The following LSAMP variants were observed in gnomAD, a reference collection of about 807,000 sequenced individuals.
LSAMP encodes limbic system associated membrane protein.
A neutral mutation model predicts 38.6 loss-of-function variants in LSAMP; 7 were observed. That is an observed-to-expected ratio of 0.18 (90% confidence interval 0.10 to 0.34). The LOEUF (loss-of-function observed/expected upper bound fraction) is 0.34. Among genes scored for constraint, LSAMP ranks in the 10% least tolerant of loss-of-function variants. The pLI is 1.00. For missense variants in LSAMP, 313 were observed against 420.0 expected, an observed-to-expected ratio of 0.75 and a Z score of 2.23; for synonymous variants, 154 against 166.8, an observed-to-expected ratio of 0.92 and a Z score of 0.59.
intron 1 of LSAMP, among the ~76,000 whole-genome samples, chr3:116,422,843 T>C (rs2049146086): frequency 6.6e-6 from 1 of 152,218 alleles, no homozygotes; most frequent in Admixed American, 6.5e-5. Context: ...AGAAATGTCT[T>C]ACCTGGATAC....
intron 3 of LSAMP, among the ~76,000 whole-genome samples, chr3:116,009,797 C>G (rs559189376): frequency 1.1e-3 from 162 of 152,190 alleles, no homozygotes; most frequent in African/African-American, 3.7e-3. Context: ...CACCCTCACC[C>G]CCACTATAGC....
chr3:115,886,369 G>C (rs1318261727), intron 3 of LSAMP, among the ~76,000 whole-genome samples: 1 of 151,922 alleles, frequency 6.6e-6, no homozygotes, highest in African/African-American at 2.4e-5. Context: ...ACTGTTAATA[G>C]TTTACCAATT....
chr3:115,948,275 A>G (rs1444875573), intron 3 of LSAMP, among the ~76,000 whole-genome samples: 1 of 152,150 alleles, frequency 6.6e-6, no homozygotes, highest in Non-Finnish European at 1.5e-5. Context: ...TTCTCTATTT[A>G]TTTAAGAAGT....
chr3:115,860,054 T>TTACAAGG lies in LSAMP; in HGVS notation c.515-7438_515-7437insCCTTGTA, dbSNP rs1320788883. On this transcript the variant is annotated intron_variant, in intron 3 of 6. Coordinates refer to ENST00000490035, the MANE Select transcript of LSAMP (RefSeq NM_002338.5). ...CCACTGTAAAAACCACATTTGGTTT[T>TTACAAGG]GATCATCACTGTATCCCTTCCCTAG... 2.6e-5 allele frequency among the ~76,000 whole-genome samples: 4 copies of TTACAAGG among 152,254 alleles called. No individual in the cohort carries two copies. In the East Asian group the frequency reaches 7.7e-4, roughly 29 times the overall value.
rs538453605 is a variant in LSAMP, at chr3:116,443,403, G to C, written c.155+1474C>G. 2.6e-5 allele frequency among the ~76,000 whole-genome samples: 4 copies of C among 152,202 alleles called. 1 individual carries two copies. The South Asian group carries it at 6.2e-4, about 24-fold the overall frequency. On this transcript the variant is annotated intron_variant, in intron 1 of 6. Transcript: ENST00000490035. ...AATCACCCAAAGCTCAGGAAATGAA[G>C]AAAGGAGTGCTTACACATTAGCATT...
At chr3:116,151,487 C>T (rs1478659665) in intron 1 of LSAMP, among the ~76,000 whole-genome samples, 2 of 152,002 alleles carry the variant, frequency 1.3e-5, no homozygotes, top group Non-Finnish European at 1.5e-5. Flanking sequence ...TAATGTACTA[C>T]TCTAAACAGG....
At chr3:115,856,251 T>G (rs1027342055) in intron 3 of LSAMP, among the ~76,000 whole-genome samples, 21 of 152,124 alleles carry the variant, frequency 1.4e-4, no homozygotes, top group Non-Finnish European at 1.5e-5. Flanking sequence ...ATGACGGTAT[T>G]TGGAAGTGGG....
At chr3:116,104,070 C>A (rs532869522) in intron 1 of LSAMP, among the ~76,000 whole-genome samples, 2 of 150,626 alleles carry the variant, frequency 1.3e-5, no homozygotes, top group East Asian at 2.0e-4. Flanking sequence ...AGTGAGCCCA[C>A]GTAGATTTCT....
chr3:116,374,175 A>G (rs2048465033), intron 1 of LSAMP, among the ~76,000 whole-genome samples: 4 of 151,968 alleles, frequency 2.6e-5, no homozygotes, highest in African/African-American at 9.7e-5. Flanking sequence ...ATCACTTTTT[A>G]GAAAACATGA....
At chr3:116,255,516 T>C (rs1249406060) in intron 1 of LSAMP, among the ~76,000 whole-genome samples, 2 of 152,184 alleles carry the variant, frequency 1.3e-5, no homozygotes, top group South Asian at 2.1e-4. Flanking sequence ...AAGAGAACCA[T>C]AAAAATTGCA....
chr3:115,885,723 G>A (rs753700372), intron 3 of LSAMP, among the ~76,000 whole-genome samples: 7 of 151,554 alleles, frequency 4.6e-5, no homozygotes, highest in Admixed American at 6.6e-5. Context: ...CTTATCAATC[G>A]GAATACTGGA....
chr3:115,995,331 C>T (rs1270408742), intron 3 of LSAMP, among the ~76,000 whole-genome samples: 1 of 152,002 alleles, frequency 6.6e-6, no homozygotes, highest in Non-Finnish European at 1.5e-5. Context: ...GTACTGATCC[C>T]AGACAAGGGG....
At position 115,990,504 on chromosome 3, in the gene LSAMP, C is replaced by T. The variant is rs572318157; in HGVS notation, c.514+29011G>A. Among the ~76,000 whole-genome samples, 4 of 152,106 alleles carry T rather than the reference C, an allele frequency of 2.6e-5. No individual in the cohort carries two copies. The South Asian group carries it at 6.2e-4, about 24-fold the overall frequency. On this transcript the variant is annotated intron_variant, in intron 3 of 6. Coordinates refer to ENST00000490035, the MANE Select transcript of LSAMP (RefSeq NM_002338.5). ...ACAAGGTCATGTGTAAGAGAAGTTT[C>T]CTCCAAAATGCTTATTTTCTTTCTA...
chr3:116,189,703 C>A (rs1710707205), intron 1 of LSAMP, among the ~76,000 whole-genome samples: 1 of 152,096 alleles, frequency 6.6e-6, no homozygotes, highest in South Asian at 2.1e-4. Context: ...CAAAAGGAGT[C>A]ATGATCCCCC....
At chr3:115,906,918 G>C (rs1937020805) in intron 3 of LSAMP, among the ~76,000 whole-genome samples, 1 of 152,132 alleles carries the variant, frequency 6.6e-6, no homozygotes, top group Non-Finnish European at 1.5e-5. Flanking sequence ...GGCTTTGTTT[G>C]AATTCTTGGT....
At chr3:116,413,243 T>TTATA (rs10545832) in intron 1 of LSAMP, among the ~76,000 whole-genome samples, 84 of 150,452 alleles carry the variant, frequency 5.6e-4, no homozygotes, top group African/African-American at 1.9e-3. Context: ...TTTCATGACA[T>TTATA]TATATATATA....
rs144226881 is a variant in LSAMP at position 116,429,003 on chromosome 3, T to G, written c.155+15874A>C. Among the ~76,000 whole-genome samples the G allele has an allele frequency of 2.4e-4, 36 of 152,332 alleles. 1 individual carries two copies. The East Asian group carries it at 5.2e-3, about 22-fold the overall frequency. ...ACTCTGTCTACCTTTTCACTCTTTT[T>G]GTAAGTCCTCAATTTTCTTTGTTTG... On this transcript the variant is annotated intron_variant, in intron 1 of 6. Coordinates refer to ENST00000490035, the MANE Select transcript of LSAMP (RefSeq NM_002338.5).
At chr3:115,926,717 G>C (rs777557146) in intron 3 of LSAMP, among the ~76,000 whole-genome samples, 1 of 152,112 alleles carries the variant, frequency 6.6e-6, no homozygotes, top group Non-Finnish European at 1.5e-5. Flanking sequence ...AATGCTAAAG[G>C]CTTATTAATT....
chr3:116,136,642 AT>A (rs1709253660), intron 1 of LSAMP, among the ~76,000 whole-genome samples: 1 of 151,834 alleles, frequency 6.6e-6, no homozygotes, highest in South Asian at 2.1e-4. Context: ...CATTTTTTCC[AT>A]TCCTGATGGT....
Sources: gnomAD v4.1 joint callset for allele counts (sites outside exome capture counted in the v4.1 genomes callset) on GRCh38, gnomAD v4.1.1 for gene constraint, MANE v1.5 for transcripts, NCBI Gene and HGNC (gene_info 2026-07-23, HGNC 2026-07-21) for gene names.